The following TTF1 variants were observed in gnomAD, a reference collection of about 807,000 sequenced individuals.
TTF1 encodes the protein transcription termination factor, RNA polymerase I.
TTF1 carries 64 observed loss-of-function variants against 80.2 expected under a neutral mutation model. That is an observed-to-expected ratio of 0.80 (90% CI 0.65 to 0.98). The LOEUF (loss-of-function observed/expected upper bound fraction) is 0.98. TTF1 is among the 50% of genes least tolerant of loss of function. TTF1 has a pLI of 0.00. For missense variants in TTF1, 1,023 were observed against 1,086.2 expected, an observed-to-expected ratio of 0.94 and a Z score of 0.82; for synonymous variants, 372 against 382.7, an observed-to-expected ratio of 0.97 and a Z score of 0.33.
intron 10 of TTF1, among the ~76,000 whole-genome samples, chr9:132,377,713 A>G (rs1849242613): frequency 1.3e-5 from 1 of 78,048 alleles, no homozygotes; most frequent in Non-Finnish European, 2.4e-5. Flanking sequence ...GGTGTGTGTG[A>G]GTGCATGTGT....
At chr9:132,377,142 TGTGAGTGCATGCATGTG>T (rs1243625265) in intron 10 of TTF1, among the ~76,000 whole-genome samples, 14 of 151,002 alleles carry the variant, frequency 9.3e-5, no homozygotes, top group East Asian at 3.9e-4. Flanking sequence ...ATGTGGTGTG[TGTGAGTGCATGCATGTG>T]GTGAGTGCAT....
At chr9:132,382,761 C>A (rs1398524434) in intron 9 of TTF1, among the ~76,000 whole-genome samples, 29 of 136,982 alleles carry the variant, frequency 2.1e-4, no homozygotes, top group East Asian at 4.5e-4. Context: ...ACTAAAAATA[C>A]AAAAAAAAAA....
intron 3 of TTF1, among the ~76,000 whole-genome samples, chr9:132,399,514 A>G (rs1405239408): frequency 1.3e-5 from 2 of 152,076 alleles, no homozygotes; most frequent in Non-Finnish European, 2.9e-5. Flanking sequence ...TAAACCCAAT[A>G]AGCTTTATTA....
intron 10 of TTF1, among the ~76,000 whole-genome samples, chr9:132,377,246 GGT>G (rs767229332): frequency 1.2e-4 from 17 of 144,772 alleles, no homozygotes; most frequent in Admixed American, 3.4e-4. Context: ...GAGTGCATGT[GGT>G]GTGTGTGAGT....
Position 132,402,118 on chromosome 9 carries a change from G to T in TTF1, c.704C>A (p.Ala235Asp). ...KSSNREYETL[A>D]MPEGSQAGRE... ...GCCTGCTTGCGATCCTTCAGGCATG[G>T]CCAGTGTCTCATATTCCCGGTTACT... The change falls in exon 2 of 11, where the codon GCC becomes GAC. Residue 235 changes from alanine (A) to aspartate (D), a missense_variant. Transcript: ENST00000334270. 6.2e-7 allele frequency: 1 copy of T among 1,614,084 alleles called. No homozygotes were observed. Among genetic ancestry groups the T allele is most frequent in the Non-Finnish European group, 8.5e-7 (1 of 1,180,016 alleles).
rs561191474 is a variant in TTF1 at position 132,382,010 on chromosome 9, A to G, written c.2379-2866T>C. 3.3e-5 allele frequency among the ~76,000 whole-genome samples: 5 copies of G among 152,324 alleles called. No homozygotes were observed. The South Asian group carries it at 1.0e-3, about 32-fold the overall frequency. ...CCAAACAATCCCTCAACATCCCTGC[A>G]TCTGAAAGTCACTGATCCCCGAGCC... On this transcript the variant is annotated intron_variant, in intron 9 of 10. Transcript: ENST00000334270.
At chr9:132,380,535 C>A (rs888257674) in intron 9 of TTF1, among the ~76,000 whole-genome samples, 1 of 152,244 alleles carries the variant, frequency 6.6e-6, no homozygotes, top group African/African-American at 2.4e-5. Flanking sequence ...AGCTCTACGG[C>A]AGCCTGTGCC....
Position 132,401,508 on chromosome 9 carries a change from T to C in TTF1, c.1314A>G (p.Arg438=), listed in dbSNP as rs199975476. The C allele has an allele frequency of 9.9e-6, 16 of 1,614,132 alleles. No individual in the cohort carries two copies. The East Asian group carries it at 3.6e-4, about 36-fold the overall frequency. The change falls in exon 2 of 11, where the codon CGA becomes CGG. Residue 438 remains arginine, a synonymous_variant. Coordinates refer to ENST00000334270, the MANE Select transcript of TTF1 (RefSeq NM_007344.4). Reference sequence around the variant, plus strand: ...CCAAACAGGCCTGGGTTTTCTTTTGTCGGGGCCTAGATTTCACACCTTCTT... The same window carrying C: ...CCAAACAGGCCTGGGTTTTCTTTTGCCGGGGCCTAGATTTCACACCTTCTT... ...MMEEGVKSRP[R]QKKTQACLAS...
At chr9:132,377,894 TGTG>T (rs1356487349) in intron 10 of TTF1, among the ~76,000 whole-genome samples, 2 of 130,340 alleles carry the variant, frequency 1.5e-5, no homozygotes, top group African/African-American at 3.1e-5. Flanking sequence ...TGTGAGTGCA[TGTG>T]GTGTGAGTGC....
chr9:132,376,662 C>CTTTTTTTT (rs530150374), intron 10 of TTF1, among the ~76,000 whole-genome samples: 18 of 136,612 alleles, frequency 1.3e-4, no homozygotes, highest in African/African-American at 4.6e-4. Flanking sequence ...AATCTGTATC[C>CTTTTTTTT]TTTTTTTTTT....
At chr9:132,382,170 T>C (rs1486877872) in intron 9 of TTF1, among the ~76,000 whole-genome samples, 3 of 152,186 alleles carry the variant, frequency 2.0e-5, no homozygotes, top group Non-Finnish European at 4.4e-5. Context: ...AAGAGCTATG[T>C]GCAGTGAAGG....
chr9:132,394,765 C>T (rs571293192), intron 5 of TTF1, among the ~76,000 whole-genome samples: 9 of 151,634 alleles, frequency 5.9e-5, no homozygotes, highest in Admixed American at 1.3e-4. Flanking sequence ...TGGTGGCACA[C>T]GCCTGCAGTC....
At position 132,402,478 on chromosome 9, in the gene TTF1, GTGT is replaced by G. The variant is rs766485542; in HGVS notation, c.341_343del (p.Asn114del). 53 of 1,614,012 alleles carry G rather than the reference GTGT, an allele frequency of 3.3e-5. 2 individuals carry two copies. The Admixed American group carries it at 8.7e-4, about 26-fold the overall frequency. ...AACATCCTTTCTAAAATGCTTTGGT[GTGT>G]TGTTAATATTTTCTTTATCCACAAG... On this transcript the variant is annotated inframe_deletion, in exon 2 of 11. Transcript: ENST00000334270.
At chr9:132,399,075 T>C (rs567309745) in intron 3 of TTF1, among the ~76,000 whole-genome samples, 1 of 151,848 alleles carries the variant, frequency 6.6e-6, no homozygotes, top group East Asian at 1.9e-4. Flanking sequence ...GGCAGGCGCC[T>C]GTAGTCCCAG....
chr9:132,395,524 G>C (rs532281471), intron 5 of TTF1, among the ~76,000 whole-genome samples: 1 of 152,274 alleles, frequency 6.6e-6, no homozygotes, highest in African/African-American at 2.4e-5. Context: ...TTTCTTAAAA[G>C]TTCTGTTCAC....
chr9:132,390,545 C>T (rs1849541077), intron 7 of TTF1, 52 bp downstream of exon 7: 15 of 1,558,310 alleles, frequency 9.6e-6, no homozygotes, highest in Non-Finnish European at 1.2e-5. Flanking sequence ...TTGGTAACCT[C>T]ACCTCTCCAC....
intron 10 of TTF1, among the ~76,000 whole-genome samples, chr9:132,378,168 G>T (rs981436680): frequency 6.9e-5 from 9 of 130,112 alleles, no homozygotes; most frequent in Non-Finnish European, 1.5e-4. Context: ...AGTGCATGTG[G>T]TGTGTGTGAA....
rs773302864 is a variant in TTF1, at chr9:132,398,227, T to C, written c.1691A>G (p.Asp564Gly). The C allele has an allele frequency of 6.2e-7, 1 of 1,606,778 alleles. No homozygotes were observed. Among genetic ancestry groups the C allele is most frequent in the East Asian group, 2.2e-5 (1 of 44,656 alleles). The part of the protein sequence containing the change: ...FLALTGIESA[D>G]KLLYTDRYPE... ...ATATCTGTCCGTGTACAGCAGCTTG[T>C]CTGCACTCTCAATGCCTGTCAGGGC... The change falls in exon 4 of 11, where the codon GAC becomes GGC. Residue 564 changes from aspartate to glycine, a missense_variant. By Grantham distance (94) the Asp-to-Gly change is moderately conservative. Transcript: ENST00000334270.
At chr9:132,379,522 C>T (rs553353333) in intron 9 of TTF1, among the ~76,000 whole-genome samples, 1 of 152,312 alleles carries the variant, frequency 6.6e-6, no homozygotes, top group South Asian at 2.1e-4. Flanking sequence ...AAATAATCCT[C>T]ACGACAACTC....
Sources: gnomAD v4.1 joint callset for allele counts (sites outside exome capture counted in the v4.1 genomes callset) on GRCh38, gnomAD v4.1.1 for gene constraint, MANE v1.5 for transcripts, NCBI Gene and HGNC (gene_info 2026-07-23, HGNC 2026-07-21) for gene names.